Variants in LYST observed in about 807,000 individuals in gnomAD.
LYST encodes lysosomal-trafficking regulator.
Under a neutral mutation model 413.6 loss-of-function variants are expected in LYST, and 192 were observed. That is an observed-to-expected ratio of 0.46 (90% CI 0.41 to 0.52). The LOEUF is 0.52. Among genes scored for constraint, LYST ranks in the 20% least tolerant of loss-of-function variants. The pLI is 0.00. For missense variants in LYST, 3,815 were observed against 4,499.9 expected (o/e 0.85, Z 4.35); for synonymous variants, 1,525 against 1,567.3 (o/e 0.97, Z 0.64).
At chr1:235,882,670 T>A (rs1168938156) in intron 1 of LYST, among the ~76,000 whole-genome samples, 1 of 152,108 alleles carries the variant, frequency 6.6e-6, no homozygotes, top group East Asian at 1.9e-4. Context: ...CGATGTGAGA[T>A]AGCCTTAGCA....
Position 235,712,181 on chromosome 1 carries a change from A to G in LYST, c.9801T>C (p.Ile3267=), listed in dbSNP as rs770844088. 18 of 1,584,298 alleles carry G rather than the reference A, an allele frequency of 1.1e-5. 1 individual carries two copies. In the South Asian group the frequency reaches 1.9e-4, roughly 17 times the overall value. ...TTGTAGAATGAAAAGTTCTGTCTGG[A>G]ATGTCAAAACTTTGATCTATAAAAA... ...FLAYQDQSFD[I]PDRTFHSTNT... The change falls in exon 43 of 53, where the codon ATT becomes ATC. Residue 3267 remains isoleucine, a synonymous_variant. Transcript: ENST00000389793.
Position 235,806,506 on chromosome 1 carries a change from C to T in LYST, c.2630G>A (p.Gly877Asp), listed in dbSNP as rs886046180. 1 of 1,613,848 alleles carries T rather than the reference C, an allele frequency of 6.2e-7. No individual in the cohort carries two copies. The highest frequency in any genetic ancestry group is 8.5e-7 in the Non-Finnish European group (1 of 1,179,976). ...SPQSLSKFYA[G>D]LKEAYPKRRK... is the part of the protein sequence containing the mutation. ...TCTCTTTGGATAAGCTTCTTTGAGG[C>T]CAGCATAAAATTTGCTGAGACTCTG... The change falls in exon 6 of 53, where the codon GGC (glycine) becomes GAC (aspartate). Residue 877 changes from glycine (G) to aspartate (D), a missense_variant. By Grantham distance (94) the Gly-to-Asp change is moderately conservative. Coordinates refer to ENST00000389793, the MANE Select transcript of LYST (RefSeq NM_000081.4).
chr1:235,749,190 A>G (rs1004356631), intron 28 of LYST, among the ~76,000 whole-genome samples: 19 of 152,236 alleles, frequency 1.2e-4, no homozygotes, highest in African/African-American at 4.6e-4. Flanking sequence ...GAAGAGCTTC[A>G]GTATTCTGCA....
chr1:235,877,836 A>G lies in LYST; in HGVS notation n.454+5351T>C, dbSNP rs188839448. ...TAAAATGTATGATCTATTCGGAAGT[A>G]TCTGACAATATCTGCCACCAAAAAA... is the stretch of plus-strand genomic sequence containing the variant. On this transcript the variant is annotated intron_variant and non_coding_transcript_variant, in intron 1 of 11. Transcript: ENST00000465349. 3.6e-3 allele frequency among the ~76,000 whole-genome samples: 492 copies of G among 138,564 alleles called. 9 individuals carry two copies. The highest frequency in any genetic ancestry group is 0.035 in the Admixed American group (456 of 13,170). The allele number at this position is 138,564 out of a possible 152,430, so 90.9% of individuals were successfully genotyped here.
rs182677607 is a variant in LYST at position 235,689,664 on chromosome 1, G to A, written c.10702-2617C>T. Among the ~76,000 whole-genome samples the A allele has an allele frequency of 2.7e-4, 41 of 152,244 alleles. No homozygotes were observed. In the East Asian group the frequency reaches 4.2e-3, roughly 16 times the overall value. ...GATCTTAAATATTCTCATCACACAC[G>A]TAAAAAATGCTAACTATGTGAGGTG... is the stretch of plus-strand genomic sequence containing the variant. On this transcript the variant is annotated intron_variant, in intron 47 of 52. Coordinates refer to ENST00000389793, the MANE Select transcript of LYST (RefSeq NM_000081.4).
intron 40 of LYST, among the ~76,000 whole-genome samples, chr1:235,718,181 A>G (rs12239875): frequency 0.013 from 1,886 of 139,884 alleles, 47 homozygotes; most frequent in African/African-American, 0.05. Flanking sequence ...TTTTATAGAT[A>G]GTATAAATAG....
At chr1:235,875,596 T>C (rs1681100149) in intron 1 of LYST, among the ~76,000 whole-genome samples, 2 of 152,168 alleles carry the variant, frequency 1.3e-5, no homozygotes. Context: ...CCCACACAAC[T>C]GCTTGGTTGT....
rs771966734 is a variant in LYST at position 235,755,640 on chromosome 1, T to C, written c.7067A>G (p.Asp2356Gly). 6 of 1,598,988 alleles carry C rather than the reference T, an allele frequency of 3.8e-6. No homozygotes were observed. The East Asian group carries it at 8.9e-5, about 24-fold the overall frequency. Residue 2356 changes from aspartate (D) to glycine (G), a missense_variant, in exon 25 of 53, where the codon GAT becomes GGT. Physicochemically the swap from Asp to Gly is moderately conservative, Grantham distance 94. Around this residue, in one of 4 missense-constraint regions of LYST, gnomAD observed 771 missense variants for 837.1 expected, o/e 0.92. Transcript: ENST00000389793. Reference protein sequence around the residue: ...AIQQGVIKLLDAYFARASKEQ... With the variant: ...AIQQGVIKLLGAYFARASKEQ... ...CTTAGATGCTCTAGCAAAATATGCA[T>C]CTAATAGCTAAACAAAAAATTTAAG...
intron 3 of LYST, among the ~76,000 whole-genome samples, chr1:235,813,483 TAA>T (rs1290168790): frequency 6.6e-6 from 1 of 152,164 alleles, no homozygotes; most frequent in Non-Finnish European, 1.5e-5. Context: ...GAGACGATTT[TAA>T]AAGAGAAATT....
chr1:235,830,145 A>C (rs1375568529), intron 3 of LYST, 81 bp downstream of exon 3: 10 of 1,095,944 alleles, frequency 9.1e-6, no homozygotes, highest in Non-Finnish European at 1.4e-5. Flanking sequence ...GAGGCTTCAG[A>C]AACTATGTAA....
At chr1:235,871,141 G>C (rs564208438), upstream of LYST, among the ~76,000 whole-genome samples, 3 of 152,282 alleles carry the variant, frequency 2.0e-5, no homozygotes, top group East Asian at 5.8e-4. Flanking sequence ...CTTTATTGAA[G>C]AGGTCAATTC....
rs562342276 is a variant in LYST, at chr1:235,702,854, G to A, written c.10267C>T (p.Pro3423Ser). 2 of 1,614,160 alleles carry A rather than the reference G, an allele frequency of 1.2e-6. No individual in the cohort carries two copies. The highest frequency in any genetic ancestry group is 1.7e-6 in the Non-Finnish European group (2 of 1,180,010). Residue 3423 changes from proline to serine, a missense_variant, in exon 45 of 53, where the codon CCT becomes TCT. Physicochemically the swap from Pro to Ser is moderately conservative, Grantham distance 74 (BLOSUM62 -1). Coordinates refer to ENST00000389793, the MANE Select transcript of LYST (RefSeq NM_000081.4). ...CCTTCAATATTGAGCTTGGCTCCAG[G>A]TCTGCTCACATGGGCCATGTGGAAC... is the stretch of plus-strand genomic sequence containing the variant. ...QLFHMAHVSRPGAKLNIEGEL... is the reference protein window; with the variant it reads ...QLFHMAHVSRSGAKLNIEGEL...
intron 1 of LYST, among the ~76,000 whole-genome samples, chr1:235,859,796 G>A (rs7540305): frequency 0.06 from 9,088 of 152,120 alleles, 908 homozygotes; most frequent in African/African-American, 0.21. Context: ...TACTGTTGAG[G>A]TCTTTCTCAT....
chr1:235,773,161 T>C (rs1366678349), intron 19 of LYST, among the ~76,000 whole-genome samples: 2 of 151,640 alleles, frequency 1.3e-5, no homozygotes, highest in African/African-American at 4.8e-5. Context: ...ACACCCAAAA[T>C]ACTAAAACTT....
intron 3 of LYST, among the ~76,000 whole-genome samples, chr1:235,816,645 A>C (rs1443711329): frequency 6.6e-6 from 1 of 152,116 alleles, no homozygotes; most frequent in Admixed American, 6.5e-5. Flanking sequence ...GAGGCATCAC[A>C]TTACTTGACT....
At chr1:235,833,318 T>C (rs1676202000) in intron 2 of LYST, among the ~76,000 whole-genome samples, 1 of 152,106 alleles carries the variant, frequency 6.6e-6, no homozygotes, top group Admixed American at 6.5e-5. Context: ...TAACATGAGG[T>C]TATAGCCAAC....
intron 45 of LYST, among the ~76,000 whole-genome samples, chr1:235,700,214 A>G (rs896901519): frequency 6.6e-6 from 1 of 152,244 alleles, no homozygotes; most frequent in Non-Finnish European, 1.5e-5. Context: ...AGCAATTGCA[A>G]TAAGAGCCAA....
chr1:235,779,452 T>C (rs1474612953), intron 16 of LYST, among the ~76,000 whole-genome samples: 1 of 152,222 alleles, frequency 6.6e-6, no homozygotes, highest in South Asian at 2.1e-4. Flanking sequence ...TCAGTCTCCC[T>C]AAGGCAGAGG....
intron 43 of LYST, among the ~76,000 whole-genome samples, chr1:235,711,035 C>A (rs932749496): frequency 6.6e-6 from 1 of 152,218 alleles, no homozygotes; most frequent in Non-Finnish European, 1.5e-5. Flanking sequence ...CTAAAACCAT[C>A]TAGCTGAGCT....
Sources: allele counts gnomAD v4.1 joint callset (sites outside exome capture counted in the v4.1 genomes callset), GRCh38; gene constraint gnomAD v4.1.1; regional missense constraint gnomAD v4.1.1; transcripts MANE v1.5; gene names NCBI Gene and HGNC (gene_info 2026-07-23, HGNC 2026-07-21).